Variants in TEX14 observed in about 807,000 individuals in gnomAD.
The protein encoded by TEX14 is inactive serine/threonine-protein kinase TEX14.
TEX14 carries 168 observed loss-of-function variants against 178.6 expected under a neutral mutation model. The observed-to-expected ratio is 0.94, with a 90% CI of 0.83 to 1.07. The LOEUF (loss-of-function observed/expected upper bound fraction) is 1.07, where lower values mean the gene tolerates loss of function less well. Ranked by LOEUF, TEX14 falls within the 50% of genes least tolerant of loss-of-function variation. The probability of loss-of-function intolerance (pLI) is 0.00; values close to 1 mark genes in which losing one functional copy is unlikely to be tolerated. For synonymous variants in TEX14, 626 were observed against 634.1 expected, an observed-to-expected ratio of 0.99 and a Z score of 0.19; for missense variants, 1,730 against 1,753.6, an observed-to-expected ratio of 0.99 and a Z score of 0.24.
chr17:58,638,153 G>A (rs1428218186), intron 2 of TEX14, among the ~76,000 whole-genome samples: 2 of 151,492 alleles, frequency 1.3e-5, no homozygotes, highest in South Asian at 2.1e-4. Context: ...GAGCCACTGC[G>A]CCTGGCCTGT....
Position 58,585,833 on chromosome 17 carries a change from T to A in TEX14, c.3038A>T (p.His1013Leu), listed in dbSNP as rs375105073. ...GCTTCCAAGCCTGGGCTGTCTGCCA[T>A]GCTGGTCACTGTCACAGTCATTGTT... Reference protein sequence around the residue: ...TGNNDCDSDQHGRQPRLGSFT... With the variant: ...TGNNDCDSDQLGRQPRLGSFT... The change falls in exon 18 of 32, where the codon CAT becomes CTT. Residue 1013 changes from histidine to leucine, a missense_variant. By Grantham distance (99) the His-to-Leu change is moderately conservative (BLOSUM62 -3). This residue lies in a region of TEX14 where 941 missense variants were observed against 1,072.4 expected (regional missense o/e 0.88). Transcript: ENST00000349033. 3 of 1,613,970 alleles carry A rather than the reference T, an allele frequency of 1.9e-6. No individual in the cohort carries two copies. The African/African-American group carries it at 4.0e-5, about 22-fold the overall frequency.
In TEX14 at chr17:58,569,952, T is replaced by C. The variant is rs1346157582; in HGVS notation, c.3817+433A>G. Among the ~76,000 whole-genome samples the C allele has an allele frequency of 6.6e-6, 1 of 152,066 alleles. No homozygotes were observed. Among genetic ancestry groups the C allele is most frequent in the Non-Finnish European group, 1.5e-5 (1 of 68,000 alleles). Reference sequence around the variant, plus strand: ...AAAATTTATGTATAAAGAGCAAAAATTGGAAAATGATATAAATCTTAAACA... The same window carrying C: ...AAAATTTATGTATAAAGAGCAAAAACTGGAAAATGATATAAATCTTAAACA... On this transcript the variant is annotated intron_variant, in intron 25 of 31. Coordinates refer to ENST00000349033, the MANE Select transcript of TEX14 (RefSeq NM_031272.5). This position sits in a 1 kb window ranked among gnomAD's most constrained non-coding sequence, Gnocchi z 4.1.
At chr17:58,668,156 T>C (rs2047244520) in intron 1 of TEX14, among the ~76,000 whole-genome samples, 1 of 152,156 alleles carries the variant, frequency 6.6e-6, no homozygotes. Flanking sequence ...AGAATTCCTC[T>C]TACCCCTGAT....
intron 11 of TEX14, 101 bp downstream of exon 11, chr17:58,604,877 A>G (rs888725509): frequency 6.2e-5 from 84 of 1,353,222 alleles, no homozygotes; most frequent in Non-Finnish European, 7.9e-5. Context: ...TCTCTTTTTA[A>G]TAAGTCTTCT....
chr17:58,642,536 A>ATT (rs1004636239), intron 2 of TEX14, among the ~76,000 whole-genome samples: 1 of 145,560 alleles, frequency 6.9e-6, no homozygotes, highest in African/African-American at 2.5e-5. Context: ...TATTTTATTT[A>ATT]TTTTTTTTTT....
intron 2 of TEX14, among the ~76,000 whole-genome samples, chr17:58,646,772 G>A (rs1039387851): frequency 2.6e-5 from 4 of 152,110 alleles, no homozygotes; most frequent in African/African-American, 9.7e-5. Flanking sequence ...GTACACTTCA[G>A]CTCCCAACTT....
At chr17:58,591,475 G>A (rs1307375292) in intron 15 of TEX14, among the ~76,000 whole-genome samples, 1 of 152,006 alleles carries the variant, frequency 6.6e-6, no homozygotes, top group African/African-American at 2.4e-5. Flanking sequence ...CCAATATCGC[G>A]CCATTGCACT....
In TEX14 at chr17:58,622,809, T is replaced by C. The variant is rs201263301; in HGVS notation, c.417+38A>G. ...AGCCTGACTCTCAGCCCAGTACTCTTCTAGTGGGCATGGCTACAGAGTGGG... is the reference window on the plus strand; with the variant it reads ...AGCCTGACTCTCAGCCCAGTACTCTCCTAGTGGGCATGGCTACAGAGTGGG... On this transcript the variant is annotated intron_variant, in intron 4 of 31. Coordinates refer to ENST00000349033, the MANE Select transcript of TEX14 (RefSeq NM_031272.5). 2.0e-5 allele frequency: 32 copies of C among 1,573,182 alleles called. No individual in the cohort carries two copies. The East Asian group carries it at 4.1e-4, about 20-fold the overall frequency.
chr17:58,568,880 G>A (rs769291968), intron 26 of TEX14, among the ~76,000 whole-genome samples: 2 of 152,154 alleles, frequency 1.3e-5, no homozygotes, highest in Non-Finnish European at 2.9e-5. Context: ...AAGGAGATAA[G>A]AACTCCTTTA....
Position 58,605,128 on chromosome 17 carries a change from C to T in TEX14, c.1186G>A (p.Glu396Lys), listed in dbSNP as rs780108222. ...AGGTCCCTCTGTACACCTCTGTCCT[C>T]GCTACGGAAGGAAACTCACAAGTCA... ...LTNLEYMLESEDRGVQRDLTR... is the reference protein window; with the variant it reads ...LTNLEYMLESKDRGVQRDLTR... The change falls in exon 11 of 32, where the codon GAG (glutamate) becomes AAG (lysine). Residue 396 changes from glutamate (E) to lysine (K), a missense_variant and splice_region_variant. Physicochemically the swap from Glu to Lys is moderately conservative, Grantham distance 56. This residue lies in a region of TEX14 where 789 missense variants were observed against 681.2 expected (regional missense o/e 1.16). Transcript: ENST00000349033. The T allele has an allele frequency of 3.3e-5, 54 of 1,613,550 alleles. No homozygotes were observed. Among genetic ancestry groups the T allele is most frequent in the Middle Eastern group, 1.7e-4 (1 of 6,048 alleles).
chr17:58,668,084 C>G (rs1039098452), intron 1 of TEX14, among the ~76,000 whole-genome samples: 1 of 152,078 alleles, frequency 6.6e-6, no homozygotes, highest in African/African-American at 2.4e-5. Flanking sequence ...GCACCACCCC[C>G]CAGGTGATAT....
intron 3 of TEX14, among the ~76,000 whole-genome samples, chr17:58,624,341 CTT>C (rs34422419): frequency 5.4e-5 from 7 of 128,604 alleles, no homozygotes; most frequent in Non-Finnish European, 8.3e-5. Flanking sequence ...CTTTTCTTTT[CTT>C]TTTTTTTTTT....
chr17:58,622,049 A>G (rs2046010394), intron 4 of TEX14, among the ~76,000 whole-genome samples: 1 of 152,224 alleles, frequency 6.6e-6, no homozygotes, highest in South Asian at 2.1e-4. Context: ...AAGGCCCAAC[A>G]GCTTTAATAA....
chr17:58,683,378 C>G (rs970036496), intron 1 of TEX14, among the ~76,000 whole-genome samples: 18 of 147,512 alleles, frequency 1.2e-4, no homozygotes, highest in South Asian at 6.4e-4. Context: ...ATCCCCCCCC[C>G]CAAAAAAAAA....
rs2045376833 is a variant in TEX14, at chr17:58,599,508, C to T, written c.1837G>A (p.Gly613Ser). 6.2e-7 allele frequency: 1 copy of T among 1,613,796 alleles called. No individual in the cohort carries two copies. Among genetic ancestry groups the T allele is most frequent in the African/African-American group, 1.3e-5 (1 of 74,826 alleles). The stretch of plus-strand genomic sequence containing the variant: ...TCGAAACTGCAGAGGCTTGGCTGAC[C>T]TGTGCTGGGGCTGCTGGCCTCTTCT... Reference protein sequence around the residue: ...MAEEASSPSTGQPSLCSFEIN... With the variant: ...MAEEASSPSTSQPSLCSFEIN... The change falls in exon 14 of 32, where the codon GGT (glycine) becomes AGT (serine). Residue 613 changes from glycine (G) to serine (S), a missense_variant. Around this residue, in one of 2 missense-constraint regions of TEX14, gnomAD observed 941 missense variants for 1,072.4 expected, o/e 0.88. Coordinates refer to ENST00000349033, the MANE Select transcript of TEX14 (RefSeq NM_031272.5).
intron 1 of TEX14, among the ~76,000 whole-genome samples, chr17:58,658,387 C>CTTTTTT (rs34857563): frequency 3.2e-5 from 3 of 95,026 alleles, no homozygotes; most frequent in Non-Finnish European, 4.0e-5. Flanking sequence ...TGTGCACCGG[C>CTTTTTT]TTTTTTTTTT....
intron 1 of TEX14, among the ~76,000 whole-genome samples, chr17:58,676,386 C>A (rs2047395304): frequency 6.7e-6 from 1 of 148,508 alleles, no homozygotes; most frequent in Non-Finnish European, 1.5e-5. Flanking sequence ...CAAAAAAAAC[C>A]AAAAAAACAA....
At chr17:58,637,211 ACT>A (rs1347538911) in intron 2 of TEX14, among the ~76,000 whole-genome samples, 1 of 152,230 alleles carries the variant, frequency 6.6e-6, no homozygotes, top group African/African-American at 2.4e-5. Context: ...ACAGAACGAG[ACT>A]CTGTCTCAAA....
chr17:58,660,883 C>A, intron 1 of TEX14: 1 of 803,802 alleles, frequency 1.2e-6, no homozygotes, highest in Non-Finnish European at 2.3e-6. Flanking sequence ...TCATTGGAGG[C>A]CTCTTCTGGT....
Sources: gnomAD v4.1 joint callset for allele counts (sites outside exome capture counted in the v4.1 genomes callset) on GRCh38, gnomAD v4.1.1 for gene constraint, gnomAD v4.1.1 regional missense constraint, Gnocchi (gnomAD v3.1) non-coding constraint, MANE v1.5 for transcripts, NCBI Gene and HGNC (gene_info 2026-07-23, HGNC 2026-07-21) for gene names.